PHKB: variants seen among roughly 807,000 people sequenced by gnomAD.
PHKB encodes the protein phosphorylase b kinase regulatory subunit beta.
Under a neutral mutation model 152.1 loss-of-function variants are expected in PHKB, and 122 were observed. The ratio of observed to expected loss-of-function variants is 0.80; its 90% confidence interval spans 0.69 to 0.93. The LOEUF is 0.93. Among genes scored for constraint, PHKB ranks in the 40% least tolerant of loss-of-function variants. The probability of loss-of-function intolerance (pLI) is 0.00; values close to 1 mark genes in which losing one functional copy is unlikely to be tolerated. For synonymous variants in PHKB, 436 were observed against 464.9 expected, an observed-to-expected ratio of 0.94 and a Z score of 0.80; for missense variants, 1,304 against 1,328.4, an observed-to-expected ratio of 0.98 and a Z score of 0.29.
intron 8 of PHKB, among the ~76,000 whole-genome samples, chr16:47,586,450 T>C (rs1384025594): frequency 6.6e-6 from 1 of 152,212 alleles, no homozygotes; most frequent in Non-Finnish European, 1.5e-5. Context: ...AATTTACTTG[T>C]CAGATTTTAA....
chr16:47,665,982 G>A (rs1207145818), intron 25 of PHKB: 3 of 1,614,066 alleles, frequency 1.9e-6, no homozygotes, highest in Non-Finnish European at 2.5e-6. Flanking sequence ...AAGTAAAGTA[G>A]TGGACAGCCT....
At chr16:47,479,371 C>G (rs149356564) in intron 1 of PHKB, among the ~76,000 whole-genome samples, 1,581 of 152,160 alleles carry the variant, frequency 0.01, 10 homozygotes, top group Non-Finnish European at 0.017. Flanking sequence ...CTAGATTTTC[C>G]TAAGACAACA....
At chr16:47,660,863 G>A in intron 22 of PHKB, 44 bp downstream of exon 22, 2 of 1,590,262 alleles carry the variant, frequency 1.3e-6, no homozygotes, top group Non-Finnish European at 1.7e-6. Flanking sequence ...TGAGGTTGCT[G>A]GAGCAGAAGC....
At chr16:47,497,290 A>C in intron 1 of PHKB, 109 bp from the exon 2 acceptor site, 1 of 724,814 alleles carries the variant, frequency 1.4e-6, no homozygotes, top group Non-Finnish European at 2.4e-6. Flanking sequence ...TACTTCACAT[A>C]AAATAATGGA....
intron 26 of PHKB, 43 bp downstream of exon 26, chr16:47,669,460 G>T: frequency 6.4e-7 from 1 of 1,574,190 alleles, no homozygotes; most frequent in Non-Finnish European, 8.7e-7. Context: ...AATTGTTCAA[G>T]TTGTCCTCTA....
At chr16:47,499,713 C>A in intron 2 of PHKB, 43 bp from the exon 3 acceptor site, 1 of 1,612,056 alleles carries the variant, frequency 6.2e-7, no homozygotes, top group Non-Finnish European at 8.5e-7. Flanking sequence ...CAAGGAAAGT[C>A]GCTGACTGTA....
intron 1 of PHKB, chr16:47,463,803 C>T (rs1349364235): frequency 3.9e-6 from 3 of 771,314 alleles, no homozygotes; most frequent in Non-Finnish European, 4.6e-6. Context: ...GCCTTTGTTG[C>T]ATACTGCATC....
chr16:47,510,759 A>G (rs1970496707), intron 4 of PHKB, among the ~76,000 whole-genome samples: 1 of 152,248 alleles, frequency 6.6e-6, no homozygotes. Flanking sequence ...AGATGGTTCT[A>G]TATAGTTTCA....
At chr16:47,487,365 G>T (rs1218604937) in intron 1 of PHKB, among the ~76,000 whole-genome samples, 3 of 151,994 alleles carry the variant, frequency 2.0e-5, no homozygotes, top group Non-Finnish European at 4.4e-5. Context: ...TATTATGTCT[G>T]TGAGAAAACA....
chr16:47,563,994 CTTTTT>C (rs899061752), intron 7 of PHKB, among the ~76,000 whole-genome samples: 2 of 82,048 alleles, frequency 2.4e-5, no homozygotes, highest in African/African-American at 4.5e-5. Context: ...TTATTTCATT[CTTTTT>C]TTTTTTTTTT....
chr16:47,526,221 CA>C (rs111617804), intron 6 of PHKB, among the ~76,000 whole-genome samples: 15,942 of 151,970 alleles, frequency 0.1, 1,702 homozygotes, highest in African/African-American at 0.28. Flanking sequence ...CCAGCCTGGC[CA>C]ACATGGTGAA....
chr16:47,689,312 A>G (rs1974019878), intron 27 of PHKB, 137 bp downstream of exon 27: 3 of 780,430 alleles, frequency 3.8e-6, no homozygotes, highest in Non-Finnish European at 6.6e-6. Flanking sequence ...ACCCCACTAG[A>G]TGGAAAGTGT....
intron 7 of PHKB, among the ~76,000 whole-genome samples, chr16:47,579,526 A>G (rs1971807007): frequency 6.6e-6 from 1 of 152,196 alleles, no homozygotes; most frequent in African/African-American, 2.4e-5. Context: ...AATGATATTA[A>G]TGGCAAATAC....
At chr16:47,694,077 G>A (rs376051982) in intron 28 of PHKB, among the ~76,000 whole-genome samples, 9 of 152,260 alleles carry the variant, frequency 5.9e-5, no homozygotes, top group East Asian at 3.9e-4. Context: ...TCACCACTTA[G>A]GAATTGTGTT....
Position 47,658,809 on chromosome 16 carries a change from A to AGTGTGTGTGT in PHKB, c.1972-1664_1972-1655dup, listed in dbSNP as rs36066227. Among the ~76,000 whole-genome samples, 413 of 140,820 alleles carry AGTGTGTGTGT rather than the reference A, an allele frequency of 2.9e-3. 1 individual carries two copies. The highest frequency in any genetic ancestry group is 7.6e-3 in the South Asian group (31 of 4,054). The allele number at this position is 140,820 out of a possible 152,430, so 92.4% of individuals were successfully genotyped here. A position where few individuals can be genotyped will look rare whatever the true frequency, so the allele number is the denominator to read the frequency against. On this transcript the variant is annotated intron_variant, in intron 20 of 30. Transcript: ENST00000323584. Reference sequence around the variant, plus strand: ...TCTTGGTCATTAAGCAATGCATGACAGTGTGTGTGTGTGTGTGTGTGTGTG... The same window carrying AGTGTGTGTGT: ...TCTTGGTCATTAAGCAATGCATGACAGTGTGTGTGTGTGTGTGTGTGTGTGTGTGTGTGTG...
chr16:47,642,142 GAGA>G (rs953155942), intron 16 of PHKB, among the ~76,000 whole-genome samples: 1 of 151,364 alleles, frequency 6.6e-6, no homozygotes, highest in African/African-American at 2.4e-5. Flanking sequence ...ATTTAGGTGT[GAGA>G]AGGTTTGTTT....
intron 20 of PHKB, among the ~76,000 whole-genome samples, chr16:47,652,694 G>T (rs922000717): frequency 6.6e-6 from 1 of 152,016 alleles, no homozygotes; most frequent in African/African-American, 2.4e-5. Flanking sequence ...CTCCAGGCTG[G>T]AGTGCAGTAG....
intron 10 of PHKB, among the ~76,000 whole-genome samples, chr16:47,591,094 A>T (rs753016341): frequency 2.0e-5 from 3 of 152,076 alleles, no homozygotes; most frequent in African/African-American, 4.8e-5. Context: ...TTCTTCTGTG[A>T]TAGAAGGATA....
At chr16:47,495,470 T>C (rs1382193213) in intron 1 of PHKB, among the ~76,000 whole-genome samples, 3 of 152,160 alleles carry the variant, frequency 2.0e-5, no homozygotes, top group Admixed American at 2.0e-4. Flanking sequence ...AAATACTACC[T>C]CTACTAATAG....
Sources: gnomAD v4.1 joint callset for allele counts (sites outside exome capture counted in the v4.1 genomes callset) on GRCh38, gnomAD v4.1.1 for gene constraint, MANE v1.5 for transcripts, NCBI Gene and HGNC (gene_info 2026-07-23, HGNC 2026-07-21) for gene names.